Variants in C1orf116 observed in about 807,000 individuals in gnomAD.
The protein encoded by C1orf116 is chromosome 1 open reading frame 116.
A neutral mutation model predicts 14.1 loss-of-function variants in C1orf116; 12 were observed. That is an observed-to-expected ratio of 0.85 (90% CI 0.54 to 1.38). The LOEUF (loss-of-function observed/expected upper bound fraction) is 1.38, where lower values mean the gene tolerates loss of function less well. Among genes scored for constraint, C1orf116 ranks in the 40% most tolerant of loss-of-function variants. The pLI is 0.00. For missense variants in C1orf116, 797 were observed against 747.0 expected (o/e 1.07, Z -0.78); for synonymous variants, 296 against 299.0 (o/e 0.99, Z 0.10).
chr1:207,021,928 C>T lies in C1orf116; in HGVS notation c.*30G>A. ...GGAGCATGTGTCTCTTCTTGTTCAG[C>T]CAGGACAGGGTCTGTACTGGTCGCA... On this transcript the variant is annotated 3_prime_UTR_variant, in exon 4 of 4. Coordinates refer to ENST00000359470, the MANE Select transcript of C1orf116 (RefSeq NM_023938.6). The T allele has an allele frequency of 6.7e-7, 1 of 1,482,966 alleles. No homozygotes were observed. The highest frequency in any genetic ancestry group is 9.0e-7 in the Non-Finnish European group (1 of 1,115,094). The allele number at this position is 1,482,966 out of a possible 1,614,324, so 91.9% of individuals were successfully genotyped here.
At position 207,022,053 on chromosome 1, in the gene C1orf116, G is replaced by A. The variant is rs146258560; in HGVS notation, c.1711C>T (p.Arg571Cys). 55 of 1,605,388 alleles carry A rather than the reference G, an allele frequency of 3.4e-5. No homozygotes were observed. Among genetic ancestry groups the A allele is most frequent in the Admixed American group, 1.7e-4 (10 of 58,856 alleles). Residue 571 changes from arginine to cysteine, a missense_variant, in exon 4 of 4, where the codon CGC becomes TGC. Coordinates refer to ENST00000359470, the MANE Select transcript of C1orf116 (RefSeq NM_023938.6). ...ATCTTGACACTGACACAGGGGGGGC[G>A]AGGAAGCTTGTCACGGCTCTGTCCT... ...YQGQSRDKLPRPPCVSVKISP... is the reference protein window; with the variant it reads ...YQGQSRDKLPCPPCVSVKISP...
Position 207,023,080 on chromosome 1 carries a change from G to C in C1orf116, c.684C>G (p.Pro228=), listed in dbSNP as rs199914347. The change falls in exon 4 of 4, where the codon CCC becomes CCG. Residue 228 remains proline, a synonymous_variant. Transcript: ENST00000359470. ...PEGPGQQGHT[P]QLHTPSSSQE... ...GGGAGCTGGATGGTGTGTGGAGCTG[G>C]GGTGTGTGGCCCTGCTGTCCTGGCC... 1.2e-6 allele frequency: 2 copies of C among 1,612,610 alleles called. No individual in the cohort carries two copies. The highest frequency in any genetic ancestry group is 1.7e-6 in the Non-Finnish European group (2 of 1,179,964).
In C1orf116 at chr1:207,032,569, A is replaced by T. The variant is rs1383477482; in HGVS notation, c.-82+10T>A. On this transcript the variant is annotated intron_variant, in intron 1 of 3. Transcript: ENST00000359470. ...TAGGATAAGCAATAGTTGGTTAGTGATTAACTCACCTCCACTGGGTTGGGG... is the reference window on the plus strand; with the variant it reads ...TAGGATAAGCAATAGTTGGTTAGTGTTTAACTCACCTCCACTGGGTTGGGG... The T allele has an allele frequency of 5.1e-6, 5 of 985,276 alleles. No individual in the cohort carries two copies. Among genetic ancestry groups the T allele is most frequent in the Non-Finnish European group, 6.0e-6 (5 of 829,878 alleles). The allele number at this position is 985,276 out of a possible 1,614,324, so 61.0% of individuals were successfully genotyped here.
chr1:207,028,192 A>G (rs1682140810), intron 1 of C1orf116, among the ~76,000 whole-genome samples: 1 of 152,216 alleles, frequency 6.6e-6, no homozygotes. Flanking sequence ...TCAATAATTA[A>G]CTATTATTGT....
intron 1 of C1orf116, among the ~76,000 whole-genome samples, chr1:207,031,091 G>A (rs957096782): frequency 1.1e-4 from 17 of 152,114 alleles, no homozygotes; most frequent in Non-Finnish European, 2.1e-4. Flanking sequence ...TTGCCTCTCT[G>A]CCTACTAGTC....
At position 207,027,571 on chromosome 1, in the gene C1orf116, C is replaced by T. The variant is rs749108356; in HGVS notation, c.28G>A (p.Gly10Arg). 6.2e-7 allele frequency: 1 copy of T among 1,613,364 alleles called. No individual in the cohort carries two copies. The highest frequency in any genetic ancestry group is 1.1e-5 in the South Asian group (1 of 91,080). ...CGGGTCACGGGTTCTGAGCCAGTCCCCGCTGGCCACAGCTCCCTCTCGGGC... is the reference window on the plus strand; with the variant it reads ...CGGGTCACGGGTTCTGAGCCAGTCCTCGCTGGCCACAGCTCCCTCTCGGGC... The part of the protein sequence containing the change: MPERELWPA[G>R]TGSEPVTRVG... Residue 10 changes from glycine to arginine, a missense_variant, in exon 2 of 4, where the codon GGG becomes AGG. Coordinates refer to ENST00000359470, the MANE Select transcript of C1orf116 (RefSeq NM_023938.6).
chr1:207,018,637 T>C lies in C1orf116; in HGVS notation c.*3321A>G, dbSNP rs1441585782. On this transcript the variant is annotated 3_prime_UTR_variant, in exon 4 of 4. Coordinates refer to ENST00000359470, the MANE Select transcript of C1orf116 (RefSeq NM_023938.6). ...GGGTGGTATTATTTTCCCCGTCTTATAGGTGAAGACTCTGAGGTTCAGAAA... is the reference window on the plus strand; with the variant it reads ...GGGTGGTATTATTTTCCCCGTCTTACAGGTGAAGACTCTGAGGTTCAGAAA... 1 of 152,204 alleles carries C rather than the reference T, an allele frequency of 6.6e-6. No individual in the cohort carries two copies. The highest frequency in any genetic ancestry group is 1.5e-5 in the Non-Finnish European group (1 of 68,048). The allele number at this position is 152,204 out of a possible 1,614,324, so 9.4% of individuals were successfully genotyped here.
At chr1:207,029,039 G>A (rs1340234) in intron 1 of C1orf116, among the ~76,000 whole-genome samples, 12,636 of 152,146 alleles carry the variant, frequency 0.083, 1,708 homozygotes, top group African/African-American at 0.28. Context: ...ATGTCCTCTT[G>A]GCCTCTGGTA....
intron 1 of C1orf116, 80 bp downstream of exon 1, chr1:207,032,499 C>T (rs537534488): frequency 5.3e-6 from 5 of 935,906 alleles, no homozygotes; most frequent in South Asian, 4.9e-5. Flanking sequence ...GACACCTCCC[C>T]TCCCCTGTAG....
At position 207,023,427 on chromosome 1, in the gene C1orf116, C is replaced by T. The variant is rs1681954768; in HGVS notation, c.337G>A (p.Glu113Lys). The T allele has an allele frequency of 2.5e-6, 4 of 1,613,748 alleles. No individual in the cohort carries two copies. Among genetic ancestry groups the T allele is most frequent in the Non-Finnish European group, 3.4e-6 (4 of 1,179,850 alleles). Residue 113 changes from glutamate to lysine, a missense_variant, in exon 4 of 4, where the codon GAG becomes AAG. Physicochemically the swap from Glu to Lys is moderately conservative, Grantham distance 56. Transcript: ENST00000359470. ...TCAGGAGGGTGGGATGAGCTGGACT[C>T]AGTTACTGTCCTTGGCGTTCGTCCT... ...QQGRTPRTVT[E>K]SSSSHPPEPQ...
intron 2 of C1orf116, among the ~76,000 whole-genome samples, chr1:207,025,644 G>A (rs867226768): frequency 3.3e-5 from 5 of 152,324 alleles, no homozygotes; most frequent in Non-Finnish European, 5.9e-5. Flanking sequence ...ACTGTGGCAT[G>A]ACTGGCCACA....
chr1:207,026,849 C>T (rs1199928367), intron 2 of C1orf116, among the ~76,000 whole-genome samples: 7 of 152,210 alleles, frequency 4.6e-5, no homozygotes, highest in African/African-American at 1.7e-4. Context: ...TAGCTAAACA[C>T]AGTGACTTTG....
chr1:207,027,325 C>T (rs926092036), intron 2 of C1orf116, among the ~76,000 whole-genome samples, 169 bp downstream of exon 2: 1 of 152,166 alleles, frequency 6.6e-6, no homozygotes, highest in African/African-American at 2.4e-5. Flanking sequence ...CTCTATAGAG[C>T]CAGGGCTGAC....
At position 207,019,864 on chromosome 1, in the gene C1orf116, G is replaced by A. The variant is rs552952213; in HGVS notation, c.*2094C>T. 2 of 152,228 alleles carry A rather than the reference G, an allele frequency of 1.3e-5. No individual in the cohort carries two copies. The highest frequency in any genetic ancestry group is 4.2e-4 in the South Asian group (2 of 4,804). 9.4% of individuals were successfully genotyped at this position (152,228 alleles called of 1,614,324 possible). A position where few individuals can be genotyped will look rare whatever the true frequency, so the allele number is the denominator to read the frequency against. On this transcript the variant is annotated 3_prime_UTR_variant, in exon 4 of 4. Transcript: ENST00000359470. ...GGAGAAATGACCTTTCTCAGGATGT[G>A]GGAATATAATAGGCTGTACTCCTGA...
intron 1 of C1orf116, among the ~76,000 whole-genome samples, chr1:207,028,990 T>G (rs1682165577): frequency 6.6e-6 from 1 of 152,242 alleles, no homozygotes; most frequent in Non-Finnish European, 1.5e-5. Flanking sequence ...ACGTGATCTA[T>G]TTGAGATCTG....
At chr1:207,028,586 C>G (rs1169084530) in intron 1 of C1orf116, among the ~76,000 whole-genome samples, 8 of 152,198 alleles carry the variant, frequency 5.3e-5, no homozygotes, top group Non-Finnish European at 1.0e-4. Flanking sequence ...ATTCCCTAGC[C>G]TATGTCAAAT....
rs1297347290 is a variant in C1orf116, at chr1:207,021,308, G to C, written c.*650C>G. On this transcript the variant is annotated 3_prime_UTR_variant, in exon 4 of 4. Transcript: ENST00000359470. ...TTCTCAGACCAACAAGAGCTGTTCT[G>C]CTATCAATCAACCGAGAGATTGGGT... 1 of 152,642 alleles carries C rather than the reference G, an allele frequency of 6.6e-6. No homozygotes were observed. The highest frequency in any genetic ancestry group is 1.5e-5 in the Non-Finnish European group (1 of 68,056). 9.5% of individuals were successfully genotyped at this position (152,642 alleles called of 1,614,324 possible). A position where few individuals can be genotyped will look rare whatever the true frequency, so the allele number is the denominator to read the frequency against.
rs149585923 is a variant in C1orf116, at chr1:207,022,632, C to T, written c.1132G>A (p.Glu378Lys). 1.1e-5 allele frequency: 17 copies of T among 1,614,002 alleles called. No homozygotes were observed. The African/African-American group carries it at 1.9e-4, about 18-fold the overall frequency. Residue 378 changes from glutamate (E) to lysine (K), a missense_variant, in exon 4 of 4, where the codon GAG becomes AAG. Coordinates refer to ENST00000359470, the MANE Select transcript of C1orf116 (RefSeq NM_023938.6). ...GGGGACAGATGCTGGGCCCGTGTCT[C>T]CTTGGGTCTGATGGAGCTGGTGGGC... ...SKPTSSIRPK[E>K]TRAQHLSPAP...
In C1orf116 at chr1:207,024,915, T is replaced by C. The variant is rs1682024681; in HGVS notation, c.255A>G (p.Ala85=). ...GGGGAGTGGGTTGGGTTATGGGCAG[T>C]GCTCGGAAACCTCTGGGAGTTGTGG... ...EPATTPRGFR[A]LPITQPTPRG... Residue 85 remains alanine (A), a synonymous_variant, in exon 3 of 4, where the codon GCA becomes GCG. Coordinates refer to ENST00000359470, the MANE Select transcript of C1orf116 (RefSeq NM_023938.6). 6.2e-7 allele frequency: 1 copy of C among 1,613,980 alleles called. No individual in the cohort carries two copies. Among genetic ancestry groups the C allele is most frequent in the Non-Finnish European group, 8.5e-7 (1 of 1,179,912 alleles).
Sources: allele counts gnomAD v4.1 joint callset (sites outside exome capture counted in the v4.1 genomes callset), GRCh38; gene constraint gnomAD v4.1.1; transcripts MANE v1.5; gene names NCBI Gene and HGNC (gene_info 2026-07-23, HGNC 2026-07-21).